The following HSD17B12 variants were observed in gnomAD, a reference collection of about 807,000 sequenced individuals.
HSD17B12 encodes very-long-chain 3-oxoacyl-CoA reductase.
In HSD17B12, 32 loss-of-function variants were observed where a neutral mutation model predicts 39.3. The ratio of observed to expected loss-of-function variants is 0.81; its 90% CI spans 0.61 to 1.09. The LOEUF (loss-of-function observed/expected upper bound fraction) is 1.09. HSD17B12 is among the 50% of genes least tolerant of loss of function. The pLI, the probability that HSD17B12 is intolerant of heterozygous loss-of-function variation, is 0.00. For missense variants in HSD17B12, 342 were observed against 382.9 expected (o/e 0.89, Z 0.89); for synonymous variants, 150 against 146.7 (o/e 1.02, Z -0.16).
At chr11:43,744,856 G>A (rs569045061) in intron 1 of HSD17B12, among the ~76,000 whole-genome samples, 2 of 152,312 alleles carry the variant, frequency 1.3e-5, no homozygotes, top group Admixed American at 6.5e-5. Flanking sequence ...GATACCATTG[G>A]CCCTGAACAT....
At chr11:43,846,033 A>G (rs1011987783) in intron 9 of HSD17B12, among the ~76,000 whole-genome samples, 4 of 152,244 alleles carry the variant, frequency 2.6e-5, no homozygotes, top group African/African-American at 9.6e-5. Flanking sequence ...TGAAAACTGC[A>G]TTGGTCATCG....
the HSD17B12 span, among the ~76,000 whole-genome samples, chr11:43,661,162 A>G: frequency 6.6e-6 from 1 of 152,188 alleles, no homozygotes; most frequent in African/African-American, 2.4e-5. Context: ...GCCAATACAC[A>G]CCACAGCTTA....
At chr11:43,567,896 T>C in the HSD17B12 span, among the ~76,000 whole-genome samples, 4 of 152,190 alleles carry the variant, frequency 2.6e-5, no homozygotes. Flanking sequence ...CATAGACTAA[T>C]AGACCCCCTT....
At chr11:43,835,080 TC>T (rs1221152759) in intron 7 of HSD17B12, among the ~76,000 whole-genome samples, 1 of 152,218 alleles carries the variant, frequency 6.6e-6, no homozygotes, top group African/African-American at 2.4e-5. Context: ...ACATGAGTCT[TC>T]ATTATAGAAC....
chr11:43,660,193 C>T, the HSD17B12 span, among the ~76,000 whole-genome samples: 1 of 152,134 alleles, frequency 6.6e-6, no homozygotes, highest in African/African-American at 2.4e-5. Context: ...GGAGGGTAGG[C>T]CCCTCATTGT....
intron 6 of HSD17B12, among the ~76,000 whole-genome samples, chr11:43,822,651 A>G (rs1951194387): frequency 6.6e-6 from 1 of 152,200 alleles, no homozygotes; most frequent in Non-Finnish European, 1.5e-5. Flanking sequence ...GTCCCTACAC[A>G]GGACATGAAC....
chr11:43,679,614 G>A (rs1384829408), upstream of HSD17B12, among the ~76,000 whole-genome samples: 1 of 151,886 alleles, frequency 6.6e-6, no homozygotes, highest in Non-Finnish European at 1.5e-5. Flanking sequence ...ACCAAAAAAG[G>A]GAAATTTAAA....
chr11:43,678,616 G>A (rs1237270167), upstream of HSD17B12, among the ~76,000 whole-genome samples: 2 of 152,096 alleles, frequency 1.3e-5, no homozygotes, highest in Admixed American at 6.5e-5. Context: ...TTTGTATAAG[G>A]TGTAAGGAAG....
At position 43,732,094 on chromosome 11, in the gene HSD17B12, G is replaced by T. The variant is rs1278620601; in HGVS notation, c.161-18817G>T. ...TGGTGGGAGGTAATTGAATCTTGGGGTGGTTACCTCCATGCTGTTCTCCTG... is the reference window on the plus strand; with the variant it reads ...TGGTGGGAGGTAATTGAATCTTGGGTTGGTTACCTCCATGCTGTTCTCCTG... On this transcript the variant is annotated intron_variant, in intron 1 of 10. Transcript: ENST00000278353. Among the ~76,000 whole-genome samples the T allele has an allele frequency of 3.3e-5, 5 of 152,204 alleles. No individual in the cohort carries two copies. In the South Asian group the frequency reaches 1.0e-3, roughly 32 times the overall value.
chr11:43,753,805 A>G (rs908420841), intron 2 of HSD17B12, among the ~76,000 whole-genome samples: 3 of 152,132 alleles, frequency 2.0e-5, no homozygotes, highest in Admixed American at 1.3e-4. Context: ...TATAAAATGA[A>G]AAAGTAAAAG....
chr11:43,664,319 G>A, the HSD17B12 span, among the ~76,000 whole-genome samples: 2 of 152,178 alleles, frequency 1.3e-5, no homozygotes, highest in Admixed American at 6.5e-5. Flanking sequence ...GTAAGGGAGA[G>A]AAGCTCTGTT....
the HSD17B12 span, among the ~76,000 whole-genome samples, chr11:43,636,977 C>T: frequency 9.2e-5 from 14 of 152,180 alleles, no homozygotes; most frequent in African/African-American, 2.2e-4. Flanking sequence ...AAATGTATGC[C>T]GTTCAAACTT....
rs536251086 is a variant in HSD17B12 at position 43,815,456 on chromosome 11, G to T, written c.411G>T (p.Ser137=). 7.6e-6 allele frequency: 12 copies of T among 1,574,902 alleles called. No homozygotes were observed. Among genetic ancestry groups the T allele is most frequent in the Admixed American group, 1.7e-5 (1 of 59,650 alleles). The change falls in exon 5 of 11, where the codon TCG becomes TCT. Residue 137 remains serine (S), a synonymous_variant. Coordinates refer to ENST00000278353, the MANE Select transcript of HSD17B12 (RefSeq NM_016142.3). ...IGILVNNVGM[S]YEYPEYFLDV... is the part of the protein sequence containing the mutation. ...TTTCAGTGAACAACGTGGGAATGTC[G>T]TATGAGTATCCTGAATACTTTTTGG...
chr11:43,595,395 A>G, the HSD17B12 span, among the ~76,000 whole-genome samples: 1 of 152,264 alleles, frequency 6.6e-6, no homozygotes, highest in Non-Finnish European at 1.5e-5. Flanking sequence ...GGTAAGTGAT[A>G]TACTTTCAGT....
At chr11:43,652,924 C>T in the HSD17B12 span, among the ~76,000 whole-genome samples, 1 of 152,168 alleles carries the variant, frequency 6.6e-6, no homozygotes, top group Admixed American at 6.5e-5. Flanking sequence ...ATTACTATTA[C>T]TGAATGAGGA....
the HSD17B12 span, among the ~76,000 whole-genome samples, chr11:43,602,877 T>G: frequency 6.6e-6 from 1 of 151,912 alleles, no homozygotes; most frequent in African/African-American, 2.4e-5. Flanking sequence ...AGTGATCATT[T>G]CCTCTCTGGC....
intron 1 of HSD17B12, among the ~76,000 whole-genome samples, chr11:43,714,765 G>A (rs191445333): frequency 6.6e-5 from 10 of 152,242 alleles, no homozygotes; most frequent in East Asian, 1.9e-4. Context: ...AGCATGGAAC[G>A]TTCTTCCATT....
the HSD17B12 span, among the ~76,000 whole-genome samples, chr11:43,652,164 G>T: frequency 6.6e-6 from 1 of 152,208 alleles, no homozygotes; most frequent in East Asian, 1.9e-4. Context: ...ATATGGAAAT[G>T]CAAGGGCTCT....
At chr11:43,638,746 A>G in the HSD17B12 span, among the ~76,000 whole-genome samples, 26,158 of 152,168 alleles carry the variant, frequency 0.17, 2,663 homozygotes, top group Middle Eastern at 0.26. Context: ...TTTATGCCTA[A>G]TGCTTTCTTT....
Sources: gnomAD v4.1 joint callset for allele counts (sites outside exome capture counted in the v4.1 genomes callset) on GRCh38, gnomAD v4.1.1 for gene constraint, MANE v1.5 for transcripts, NCBI Gene and HGNC (gene_info 2026-07-23, HGNC 2026-07-21) for gene names.